The following SNX24 variants were observed in gnomAD, a reference collection of about 807,000 sequenced individuals.
SNX24 encodes the protein sorting nexin 24, also known as sorting nexin-24.
SNX24 carries 22 observed loss-of-function variants against 28.7 expected under a neutral mutation model. The ratio of observed to expected loss-of-function variants is 0.77; its 90% CI spans 0.55 to 1.10. SNX24 has a LOEUF of 1.10. Among genes scored for constraint, SNX24 ranks in the 50% least tolerant of loss-of-function variants. The probability of loss-of-function intolerance (pLI) is 0.00; values close to 1 mark genes in which losing one functional copy is unlikely to be tolerated. For missense variants in SNX24, 221 were observed against 201.1 expected (o/e 1.10, Z -0.60); for synonymous variants, 69 against 71.5 (o/e 0.96, Z 0.18).
At chr5:122,945,292 C>CA (rs1257811634) in intron 2 of SNX24, among the ~76,000 whole-genome samples, 12 of 152,190 alleles carry the variant, frequency 7.9e-5, no homozygotes, top group African/African-American at 2.9e-4. Context: ...AGAATCTTCC[C>CA]ATTTTAAGAC....
At chr5:122,972,527 G>A (rs1761000636) in intron 3 of SNX24, among the ~76,000 whole-genome samples, 1 of 152,208 alleles carries the variant, frequency 6.6e-6, no homozygotes, top group South Asian at 2.1e-4. Flanking sequence ...CAATCCAGCT[G>A]CTTCAGGATG....
intron 1 of SNX24, among the ~76,000 whole-genome samples, chr5:122,924,265 A>T (rs1224723414): frequency 6.6e-6 from 1 of 152,236 alleles, no homozygotes; most frequent in Non-Finnish European, 1.5e-5. Context: ...AAAATAAAAA[A>T]TTATAGCAAT....
chr5:123,002,501 C>A (rs1262960357), intron 6 of SNX24, among the ~76,000 whole-genome samples: 2 of 151,962 alleles, frequency 1.3e-5, no homozygotes, highest in Non-Finnish European at 2.9e-5. Context: ...GCGTGGTGGC[C>A]GGCGCCTATA....
intron 3 of SNX24, among the ~76,000 whole-genome samples, chr5:122,958,260 T>A (rs546036253): frequency 6.7e-6 from 1 of 150,170 alleles, no homozygotes; most frequent in Non-Finnish European, 1.5e-5. Flanking sequence ...AAAAAAAAAA[T>A]TTTTTTTTTT....
chr5:122,998,662 G>A (rs928225600), intron 3 of SNX24, among the ~76,000 whole-genome samples: 2 of 152,184 alleles, frequency 1.3e-5, no homozygotes, highest in African/African-American at 4.8e-5. Flanking sequence ...AGCCTAGGAG[G>A]ACTGGCAACC....
intron 1 of SNX24, among the ~76,000 whole-genome samples, chr5:122,879,378 C>T (rs1487304048): frequency 1.3e-5 from 2 of 152,130 alleles, no homozygotes; most frequent in Non-Finnish European, 2.9e-5. Flanking sequence ...AAACTTTAGC[C>T]CCTGTCGAGA....
At chr5:122,847,913 A>G (rs1048596700) in intron 1 of SNX24, among the ~76,000 whole-genome samples, 2 of 152,066 alleles carry the variant, frequency 1.3e-5, no homozygotes, top group African/African-American at 4.8e-5. Context: ...TTCAACAAAT[A>G]TTTACTGAGT....
chr5:122,961,595 C>T (rs1226950235), intron 3 of SNX24, among the ~76,000 whole-genome samples: 3 of 152,220 alleles, frequency 2.0e-5, no homozygotes, highest in Non-Finnish European at 4.4e-5. Flanking sequence ...CTCAATGTAA[C>T]GGGGGCAGAT....
At chr5:122,932,968 T>G (rs796391510) in intron 1 of SNX24, among the ~76,000 whole-genome samples, 8 of 151,938 alleles carry the variant, frequency 5.3e-5, no homozygotes, top group African/African-American at 1.9e-4. Context: ...ACAGTGTAAC[T>G]TAGTACATTA....
intron 3 of SNX24, 94 bp from the exon 4 acceptor site, chr5:122,999,818 T>C (rs1279989274): frequency 2.8e-5 from 22 of 798,770 alleles, no homozygotes; most frequent in Non-Finnish European, 4.2e-5. Flanking sequence ...GGTAAGAACT[T>C]TGATGGACGG....
intron 1 of SNX24, among the ~76,000 whole-genome samples, chr5:122,857,753 T>C (rs188732943): frequency 6.6e-6 from 1 of 152,370 alleles, no homozygotes; most frequent in African/African-American, 2.4e-5. Context: ...TTCTTTTTTA[T>C]GGCTGCATAA....
At chr5:122,941,036 C>G (rs1316575583) in intron 2 of SNX24, among the ~76,000 whole-genome samples, 2 of 152,170 alleles carry the variant, frequency 1.3e-5, no homozygotes, top group Non-Finnish European at 2.9e-5. Context: ...CTTTCATCAC[C>G]TCTCCTCTGA....
intron 3 of SNX24, among the ~76,000 whole-genome samples, chr5:122,989,523 TG>T (rs1330397570): frequency 1.1e-3 from 1 of 878 alleles, no homozygotes; most frequent in African/African-American, 8.1e-3. Context: ...AGGGACCGGG[TG>T]GGGGGGCGGG....
intron 3 of SNX24, among the ~76,000 whole-genome samples, chr5:122,961,643 G>C (rs1760493466): frequency 6.6e-6 from 1 of 152,198 alleles, no homozygotes; most frequent in Non-Finnish European, 1.5e-5. Context: ...AACCAAGTTT[G>C]TTAGTGTGCC....
chr5:122,968,863 A>G (rs532362771), intron 3 of SNX24, among the ~76,000 whole-genome samples: 1 of 152,298 alleles, frequency 6.6e-6, no homozygotes, highest in South Asian at 2.1e-4. Context: ...ATTTTAAAAT[A>G]TCTTTTTGTA....
intron 1 of SNX24, among the ~76,000 whole-genome samples, chr5:122,935,449 AGTTC>A (rs1759140826): frequency 6.6e-6 from 1 of 152,204 alleles, no homozygotes; most frequent in African/African-American, 2.4e-5. Flanking sequence ...TATTTCTAAT[AGTTC>A]ACCAAAGGAA....
intron 1 of SNX24, among the ~76,000 whole-genome samples, chr5:122,865,505 A>G (rs1399039751): frequency 2.0e-5 from 3 of 152,012 alleles, no homozygotes; most frequent in Non-Finnish European, 4.4e-5. Context: ...TAATTTTTGT[A>G]TTTTTAGTAG....
chr5:122,929,645 T>C lies in SNX24; in HGVS notation c.61-7089T>C, dbSNP rs113913970. On this transcript the variant is annotated intron_variant, in intron 1 of 6. Transcript: ENST00000261369. ...ATTTATCTTGAAAAATTTAAGTCCC[T>C]TTTTTTCTTGACAGAGAAAGACAAA... Among the ~76,000 whole-genome samples, 1,279 of 152,166 alleles carry C rather than the reference T, an allele frequency of 8.4e-3. 8 individuals are homozygous for C. The highest frequency in any genetic ancestry group is 0.012 in the Non-Finnish European group (830 of 67,984).
At chr5:122,932,825 C>T in intron 1 of SNX24, among the ~76,000 whole-genome samples, 1 of 145,614 alleles carries the variant, frequency 6.9e-6, no homozygotes, top group Non-Finnish European at 1.5e-5. Context: ...CACCACTGCG[C>T]TCCAGCCGGG....
Sources: allele counts gnomAD v4.1 joint callset (sites outside exome capture counted in the v4.1 genomes callset), GRCh38; gene constraint gnomAD v4.1.1; transcripts MANE v1.5; gene names NCBI Gene and HGNC (gene_info 2026-07-23, HGNC 2026-07-21).